SAMD12: variants seen among roughly 807,000 people sequenced by gnomAD.
SAMD12 encodes the protein sterile alpha motif domain-containing protein 12.
Under a neutral mutation model 15.0 loss-of-function variants are expected in SAMD12, and 9 were observed. That is an observed-to-expected ratio of 0.60 (90% CI 0.36 to 1.05). The LOEUF is 1.05. SAMD12 is among the 50% of genes least tolerant of loss of function. SAMD12 has a pLI of 0.01. For missense variants in SAMD12, 230 were observed against 234.2 expected (o/e 0.98, Z 0.12); for synonymous variants, 86 against 90.1 (o/e 0.96, Z 0.25).
At chr8:118,591,157 T>C (rs1014862625) in intron 1 of SAMD12, among the ~76,000 whole-genome samples, 7 of 152,194 alleles carry the variant, frequency 4.6e-5, no homozygotes, top group Non-Finnish European at 1.0e-4. Context: ...AAATATGTAC[T>C]TTTATGGTAT....
chr8:118,301,111 T>C (rs961896683), intron 4 of SAMD12, among the ~76,000 whole-genome samples: 4 of 152,124 alleles, frequency 2.6e-5, no homozygotes, highest in Non-Finnish European at 5.9e-5. Flanking sequence ...CAGGATTATA[T>C]AGACTAAGAT....
chr8:118,213,875 A>C (rs1811895919), intron 4 of SAMD12, among the ~76,000 whole-genome samples: 1 of 152,192 alleles, frequency 6.6e-6, no homozygotes, highest in Admixed American at 6.5e-5. Flanking sequence ...CATGAGATGA[A>C]GTCTAGGTCA....
chr8:118,292,349 G>GACACACAGACACACACACAC (rs111807707), intron 4 of SAMD12, among the ~76,000 whole-genome samples: 37 of 137,720 alleles, frequency 2.7e-4, no homozygotes, highest in African/African-American at 9.9e-4. Context: ...CAAACACACA[G>GACACACAGACACACACACAC]ACACACACAC....
chr8:118,155,612 C>T, the SAMD12 span, among the ~76,000 whole-genome samples: 14 of 152,262 alleles, frequency 9.2e-5, no homozygotes, highest in African/African-American at 2.6e-4. Flanking sequence ...GGAAGGAGAA[C>T]GCTAGGGTGC....
chr8:118,403,863 C>T (rs771868809), intron 3 of SAMD12, among the ~76,000 whole-genome samples: 3 of 152,152 alleles, frequency 2.0e-5, no homozygotes, highest in Admixed American at 1.3e-4. Context: ...ATCTAGATGG[C>T]CATAGCATTC....
chr8:118,223,697 A>G (rs1045283974), intron 4 of SAMD12, among the ~76,000 whole-genome samples: 2 of 152,206 alleles, frequency 1.3e-5, no homozygotes, highest in African/African-American at 4.8e-5. Flanking sequence ...GCCCATCTCA[A>G]GTTCTTTGAT....
chr8:118,521,865 C>T (rs1424701468), intron 2 of SAMD12, among the ~76,000 whole-genome samples: 1 of 152,156 alleles, frequency 6.6e-6, no homozygotes, highest in Non-Finnish European at 1.5e-5. Flanking sequence ...AAGCTTTCCA[C>T]CTTCATTGTG....
At chr8:118,563,511 G>GACACA (rs1826766359) in intron 2 of SAMD12, among the ~76,000 whole-genome samples, 1 of 152,044 alleles carries the variant, frequency 6.6e-6, no homozygotes, top group East Asian at 1.9e-4. Flanking sequence ...TAACTAACCA[G>GACACA]ACACAACTTG....
chr8:118,487,228 T>C (rs1312010087), intron 2 of SAMD12, among the ~76,000 whole-genome samples: 3 of 152,194 alleles, frequency 2.0e-5, no homozygotes, highest in African/African-American at 7.2e-5. Flanking sequence ...TAGGTTTTTG[T>C]TGTTTTCCAG....
At chr8:118,282,302 G>A (rs141244525) in intron 4 of SAMD12, 98 of 456,124 alleles carry the variant, frequency 2.1e-4, no homozygotes, top group African/African-American at 1.5e-3. Context: ...CCTTGTTTTC[G>A]CCATTTTGCC....
chr8:118,384,439 T>C (rs2450207), intron 3 of SAMD12, among the ~76,000 whole-genome samples: 44,522 of 151,934 alleles, frequency 0.29, 6,856 homozygotes, highest in African/African-American at 0.35. Context: ...AAGCAGGAGG[T>C]AATGGTGTCT....
chr8:118,145,357 A>G, the SAMD12 span, among the ~76,000 whole-genome samples: 228 of 152,364 alleles, frequency 1.5e-3, 1 homozygote, highest in Non-Finnish European at 2.3e-3. Context: ...TCTTCAAATC[A>G]GAATGTTCTT....
At chr8:118,375,176 A>G (rs1819320358), downstream of SAMD12, among the ~76,000 whole-genome samples, 1 of 152,140 alleles carries the variant, frequency 6.6e-6, no homozygotes, top group Non-Finnish European at 1.5e-5. Flanking sequence ...GTTTCTACAT[A>G]AAATCTCATT....
intron 2 of SAMD12, among the ~76,000 whole-genome samples, chr8:118,459,917 C>T (rs1406260692): frequency 1.3e-5 from 2 of 152,166 alleles, no homozygotes; most frequent in African/African-American, 4.8e-5. Context: ...GAGCCAACAA[C>T]CCAGTGGTGA....
the SAMD12 span, among the ~76,000 whole-genome samples, chr8:118,152,673 A>AT: frequency 7.2e-5 from 11 of 151,930 alleles, no homozygotes; most frequent in Non-Finnish European, 7.4e-5. Flanking sequence ...TAATTTTTGC[A>AT]TTTTTTGTAG....
downstream of SAMD12, among the ~76,000 whole-genome samples, chr8:118,186,816 C>G (rs1819250697): frequency 6.6e-6 from 1 of 151,946 alleles, no homozygotes; most frequent in African/African-American, 2.4e-5. Flanking sequence ...AAGGTTCTTC[C>G]TGAGAGAGAG....
chr8:118,163,851 G>A, the SAMD12 span, among the ~76,000 whole-genome samples: 2 of 150,232 alleles, frequency 1.3e-5, no homozygotes, highest in Admixed American at 6.7e-5. Flanking sequence ...CTCCAGCCTG[G>A]GAGACAGAGC....
intron 1 of SAMD12, among the ~76,000 whole-genome samples, chr8:118,591,561 AC>A (rs2131280191): frequency 6.6e-6 from 1 of 152,342 alleles, no homozygotes; most frequent in Non-Finnish European, 1.5e-5. Flanking sequence ...AATTTTAATA[AC>A]AGTTAAATAA....
At chr8:118,298,141 G>A (rs939700919) in intron 4 of SAMD12, among the ~76,000 whole-genome samples, 3 of 152,216 alleles carry the variant, frequency 2.0e-5, no homozygotes, top group African/African-American at 7.2e-5. Context: ...CGGCTCATAG[G>A]AAATGGGCAA....
Sources: allele counts gnomAD v4.1 joint callset (sites outside exome capture counted in the v4.1 genomes callset), GRCh38; gene constraint gnomAD v4.1.1; transcripts MANE v1.5; gene names NCBI Gene and HGNC (gene_info 2026-07-23, HGNC 2026-07-21).